The following LRRC4C variants were observed in gnomAD, a reference collection of about 807,000 sequenced individuals.
The protein encoded by LRRC4C is leucine-rich repeat-containing protein 4C.
Under a neutral mutation model 33.6 loss-of-function variants are expected in LRRC4C, and 5 were observed. The ratio of observed to expected loss-of-function variants is 0.15; its 90% CI spans 0.08 to 0.31. The LOEUF is 0.31. LRRC4C is among the 10% of genes least tolerant of loss of function. LRRC4C has a pLI of 1.00. For synonymous variants in LRRC4C, 329 were observed against 302.0 expected, an observed-to-expected ratio of 1.09 and a Z score of -0.93; for missense variants, 560 against 796.7, an observed-to-expected ratio of 0.70 and a Z score of 3.58.
At chr11:40,610,477 C>A (rs1251371854) in intron 3 of LRRC4C, among the ~76,000 whole-genome samples, 3 of 151,618 alleles carry the variant, frequency 2.0e-5, no homozygotes, top group African/African-American at 7.3e-5. Context: ...GGCAAGTATG[C>A]CCACTCTCAC....
chr11:40,878,208 G>C (rs1397923660), intron 2 of LRRC4C, among the ~76,000 whole-genome samples: 2 of 152,088 alleles, frequency 1.3e-5, no homozygotes, highest in Non-Finnish European at 2.9e-5. Flanking sequence ...CTGACTTAAA[G>C]CCCGCCACCA....
intron 2 of LRRC4C, among the ~76,000 whole-genome samples, chr11:40,812,931 G>C (rs1245030811): frequency 2.6e-5 from 4 of 152,128 alleles, no homozygotes; most frequent in Non-Finnish European, 4.4e-5. Context: ...TCTAGAAAAA[G>C]GGAGAGAAAG....
chr11:41,048,654 A>G (rs10837560), intron 1 of LRRC4C, among the ~76,000 whole-genome samples: 75,535 of 152,000 alleles, frequency 0.5, 19,621 homozygotes, highest in South Asian at 0.7. Context: ...GTTATCTGGA[A>G]ACATTTTGTA....
intron 2 of LRRC4C, among the ~76,000 whole-genome samples, chr11:40,879,283 A>G (rs1023422110): frequency 5.9e-5 from 9 of 152,208 alleles, no homozygotes; most frequent in Non-Finnish European, 2.9e-5. Context: ...CACTTGTTGG[A>G]GTGAACCTCA....
chr11:40,591,398 A>G (rs796736982), intron 3 of LRRC4C, among the ~76,000 whole-genome samples: 33 of 152,258 alleles, frequency 2.2e-4, no homozygotes, highest in African/African-American at 7.5e-4. Flanking sequence ...TAGTGAGATG[A>G]ACCCGGTACC....
chr11:41,242,675 C>T lies in LRRC4C; in HGVS notation c.-496+216756G>A, dbSNP rs77281157. On this transcript the variant is annotated intron_variant, in intron 1 of 6. Coordinates refer to ENST00000528697, the MANE Select transcript of LRRC4C (RefSeq NM_001258419.2). ...CTGTATCTATCTGTCTGTCTGTCTC[C>T]CCTATTGATATTTTTATTACTTCAT... Among the ~76,000 whole-genome samples, 1,399 of 152,028 alleles carry T rather than the reference C, an allele frequency of 9.2e-3. 20 individuals carry two copies. The highest frequency in any genetic ancestry group is 0.031 in the African/African-American group (1,303 of 41,488).
At chr11:40,548,269 G>T (rs1352165884) in intron 3 of LRRC4C, among the ~76,000 whole-genome samples, 2 of 152,062 alleles carry the variant, frequency 1.3e-5, no homozygotes, top group African/African-American at 4.8e-5. Flanking sequence ...CTCTGCATGT[G>T]ACTTTATTTA....
chr11:40,629,453 C>T (rs955336917), intron 3 of LRRC4C, among the ~76,000 whole-genome samples: 1 of 152,072 alleles, frequency 6.6e-6, no homozygotes, highest in African/African-American at 2.4e-5. Context: ...CCTTACTCTA[C>T]CTAATTTTAA....
chr11:40,828,214 A>T (rs924339300), intron 2 of LRRC4C, among the ~76,000 whole-genome samples: 1 of 151,410 alleles, frequency 6.6e-6, no homozygotes, highest in Non-Finnish European at 1.5e-5. Flanking sequence ...GCATATAAGT[A>T]TATATTATAT....
intron 3 of LRRC4C, among the ~76,000 whole-genome samples, chr11:40,405,289 T>C (rs1949918560): frequency 6.6e-6 from 1 of 152,000 alleles, no homozygotes; most frequent in Non-Finnish European, 1.5e-5. Flanking sequence ...CTGAAGGCAT[T>C]CGGCCACCCA....
intron 5 of LRRC4C, among the ~76,000 whole-genome samples, chr11:40,221,837 AC>A (rs1314764921): frequency 6.6e-6 from 1 of 152,066 alleles, no homozygotes; most frequent in African/African-American, 2.4e-5. Flanking sequence ...TCAATCGATC[AC>A]GACCCTCTCA....
intron 6 of LRRC4C, among the ~76,000 whole-genome samples, chr11:40,138,491 A>G (rs1857140596): frequency 6.6e-6 from 1 of 152,146 alleles, no homozygotes; most frequent in African/African-American, 2.4e-5. Context: ...ATCCTAACCA[A>G]ACCTCATGGC....
chr11:40,177,221 G>A (rs1860580534), intron 5 of LRRC4C, among the ~76,000 whole-genome samples: 2 of 151,158 alleles, frequency 1.3e-5, no homozygotes, highest in Non-Finnish European at 2.9e-5. Context: ...CCAAAGTGCT[G>A]GGATTACAGG....
intron 3 of LRRC4C, among the ~76,000 whole-genome samples, chr11:40,475,559 G>A (rs543106308): frequency 2.4e-4 from 37 of 151,990 alleles, no homozygotes; most frequent in South Asian, 8.3e-4. Flanking sequence ...TGTAACAAAC[G>A]TTCACGTTCT....
intron 2 of LRRC4C, among the ~76,000 whole-genome samples, chr11:40,768,232 T>C (rs1949573292): frequency 6.6e-6 from 1 of 151,932 alleles, no homozygotes; most frequent in Non-Finnish European, 1.5e-5. Context: ...ATGGATAATT[T>C]CCTGGACCCA....
chr11:40,480,118 A>T (rs912162578), intron 3 of LRRC4C, among the ~76,000 whole-genome samples: 8 of 152,272 alleles, frequency 5.3e-5, no homozygotes, highest in Middle Eastern at 3.4e-3. Flanking sequence ...TAAAACAGAG[A>T]TATAAAGCTA....
At chr11:40,976,243 C>A (rs1212471068) in intron 1 of LRRC4C, among the ~76,000 whole-genome samples, 1 of 152,216 alleles carries the variant, frequency 6.6e-6, no homozygotes, top group East Asian at 1.9e-4. Context: ...AGGATGTGAA[C>A]TGACTTAGCA....
intron 4 of LRRC4C, among the ~76,000 whole-genome samples, chr11:40,268,096 C>CACCA (rs1436043451): frequency 6.6e-6 from 1 of 152,130 alleles, no homozygotes; most frequent in Non-Finnish European, 1.5e-5. Context: ...CTTGTTATAT[C>CACCA]ACCACTTTTT....
At chr11:41,187,257 C>A (rs113092154) in intron 1 of LRRC4C, among the ~76,000 whole-genome samples, 1,981 of 152,254 alleles carry the variant, frequency 0.013, 54 homozygotes, top group African/African-American at 0.045. Flanking sequence ...GCCCACCACA[C>A]CCCCATTATG....
Sources: allele counts gnomAD v4.1 joint callset (sites outside exome capture counted in the v4.1 genomes callset), GRCh38; gene constraint gnomAD v4.1.1; transcripts MANE v1.5; gene names NCBI Gene and HGNC (gene_info 2026-07-23, HGNC 2026-07-21).